Variants in CNTNAP4 observed in about 807,000 individuals in gnomAD.
The protein encoded by CNTNAP4 is contactin associated protein family member 4, also known as contactin-associated protein-like 4.
CNTNAP4 carries 98 observed loss-of-function variants against 148.4 expected under a neutral mutation model. The ratio of observed to expected loss-of-function variants is 0.66; its 90% confidence interval spans 0.56 to 0.78. The LOEUF (loss-of-function observed/expected upper bound fraction) is 0.78. Among genes scored for constraint, CNTNAP4 ranks in the 30% least tolerant of loss-of-function variants. The pLI is 0.00. For missense variants in CNTNAP4, 1,935 were observed against 1,565.6 expected, an observed-to-expected ratio of 1.24 and a Z score of -3.98; for synonymous variants, 730 against 565.1, an observed-to-expected ratio of 1.29 and a Z score of -4.14.
chr16:76,456,957 T>C (rs2080756006), intron 8 of CNTNAP4, among the ~76,000 whole-genome samples: 2 of 152,154 alleles, frequency 1.3e-5, no homozygotes, highest in African/African-American at 2.4e-5. Flanking sequence ...GATTAAATGA[T>C]ACTATGCATA....
chr16:76,387,783 A>G (rs184831820), intron 3 of CNTNAP4, among the ~76,000 whole-genome samples: 11 of 152,326 alleles, frequency 7.2e-5, no homozygotes, highest in Admixed American at 5.9e-4. Flanking sequence ...TTATGTTGTC[A>G]TAAGAAATAA....
At chr16:76,399,688 A>G (rs1209473445) in intron 3 of CNTNAP4, among the ~76,000 whole-genome samples, 2 of 152,196 alleles carry the variant, frequency 1.3e-5, no homozygotes, top group African/African-American at 4.8e-5. Flanking sequence ...GTAACATATC[A>G]TTAAAAACTG....
At chr16:76,368,961 A>G (rs189757477) in intron 3 of CNTNAP4, among the ~76,000 whole-genome samples, 71 of 152,270 alleles carry the variant, frequency 4.7e-4, no homozygotes, top group African/African-American at 1.6e-3. Context: ...CATCATCACA[A>G]AAATTCTCAA....
intron 10 of CNTNAP4, among the ~76,000 whole-genome samples, chr16:76,474,000 G>C (rs1305789743): frequency 2.6e-5 from 4 of 152,050 alleles, no homozygotes; most frequent in South Asian, 2.1e-4. Context: ...TTGGTGCATG[G>C]TGCTCTGCCT....
At chr16:76,361,670 A>T (rs117057464) in intron 3 of CNTNAP4, among the ~76,000 whole-genome samples, 1 of 152,326 alleles carries the variant, frequency 6.6e-6, no homozygotes, top group Admixed American at 6.5e-5. Context: ...TTTTGGATAA[A>T]TACCTGGGAT....
intron 15 of CNTNAP4, among the ~76,000 whole-genome samples, chr16:76,517,604 C>G (rs2083297547): frequency 6.6e-6 from 1 of 152,116 alleles, no homozygotes; most frequent in Non-Finnish European, 1.5e-5. Context: ...TTTAAAAGTA[C>G]AATGTATTAC....
chr16:76,370,328 C>G (rs970306111), intron 3 of CNTNAP4, among the ~76,000 whole-genome samples: 1 of 152,046 alleles, frequency 6.6e-6, no homozygotes, highest in African/African-American at 2.4e-5. Flanking sequence ...AAATTGTCCT[C>G]TGCGCCAGTG....
intron 21 of CNTNAP4, among the ~76,000 whole-genome samples, chr16:76,542,802 G>C (rs1355482924): frequency 6.6e-6 from 1 of 152,146 alleles, no homozygotes; most frequent in Non-Finnish European, 1.5e-5. Flanking sequence ...CTCTACACTA[G>C]TACAGTAGAT....
chr16:76,495,475 C>A (rs1030761769), intron 14 of CNTNAP4, among the ~76,000 whole-genome samples: 4 of 151,906 alleles, frequency 2.6e-5, no homozygotes, highest in Admixed American at 6.6e-5. Context: ...TTTTAACATG[C>A]AATTGTTTTA....
At chr16:76,364,233 C>CAAAA (rs58589609) in intron 3 of CNTNAP4, among the ~76,000 whole-genome samples, 500 of 48,210 alleles carry the variant, frequency 0.01, 79 homozygotes, top group African/African-American at 0.012. Flanking sequence ...GATTCCATCT[C>CAAAA]AAAAAAAAAA....
At chr16:76,387,647 G>T (rs1208912887) in intron 3 of CNTNAP4, among the ~76,000 whole-genome samples, 1 of 152,082 alleles carries the variant, frequency 6.6e-6, no homozygotes, top group African/African-American at 2.4e-5. Flanking sequence ...CAGAATTAAT[G>T]CTCATGAAAT....
intron 21 of CNTNAP4, among the ~76,000 whole-genome samples, chr16:76,547,262 C>T (rs1439540103): frequency 6.6e-6 from 1 of 152,050 alleles, no homozygotes; most frequent in African/African-American, 2.4e-5. Flanking sequence ...ATCACAATTC[C>T]ACCACATGGG....
intron 2 of CNTNAP4, among the ~76,000 whole-genome samples, chr16:76,333,587 C>T (rs972919469): frequency 2.6e-5 from 4 of 152,076 alleles, no homozygotes; most frequent in Non-Finnish European, 4.4e-5. Flanking sequence ...GATCCAATAT[C>T]ATTGCTTCCT....
chr16:76,486,221 T>C (rs2082020296), intron 12 of CNTNAP4, among the ~76,000 whole-genome samples: 1 of 152,204 alleles, frequency 6.6e-6, no homozygotes, highest in Non-Finnish European at 1.5e-5. Context: ...CCTACCACTC[T>C]TTTTGCATTT....
chr16:76,471,544 C>G (rs1408148229), intron 10 of CNTNAP4, among the ~76,000 whole-genome samples: 1 of 152,114 alleles, frequency 6.6e-6, no homozygotes, highest in Non-Finnish European at 1.5e-5. Flanking sequence ...CCCCTACTAT[C>G]CAGCCCTCAG....
intron 10 of CNTNAP4, among the ~76,000 whole-genome samples, chr16:76,472,404 A>T (rs570813988): frequency 1.3e-5 from 2 of 152,078 alleles, no homozygotes; most frequent in African/African-American, 4.8e-5. Flanking sequence ...TAGAAATAAC[A>T]TATGTATCAC....
rs1445094927 is a variant in CNTNAP4 at position 76,351,569 on chromosome 16, C to G, written c.197-3749C>G. Among the ~76,000 whole-genome samples the G allele has an allele frequency of 3.9e-5, 6 of 152,344 alleles. No homozygotes were observed. The East Asian group carries it at 7.7e-4, about 20-fold the overall frequency. ...AGATATTTGGATTCCCTCTGGCCAACTTATCTGGCTGAAATTACTTGGTAT... is the reference window on the plus strand; with the variant it reads ...AGATATTTGGATTCCCTCTGGCCAAGTTATCTGGCTGAAATTACTTGGTAT... On this transcript the variant is annotated intron_variant, in intron 2 of 23. Coordinates refer to ENST00000611870, the MANE Select transcript of CNTNAP4 (RefSeq NM_033401.5).
intron 22 of CNTNAP4, 103 bp from the exon 23 acceptor site, chr16:76,553,733 C>A: frequency 1.4e-6 from 1 of 727,710 alleles, no homozygotes. Context: ...ATCCCACATT[C>A]GCCTCCATAA....
intron 6 of CNTNAP4, among the ~76,000 whole-genome samples, chr16:76,449,219 ATCT>A: frequency 6.6e-6 from 1 of 152,288 alleles, no homozygotes; most frequent in Admixed American, 6.5e-5. Flanking sequence ...TATGCAGGAA[ATCT>A]TCTGCACCAA....
Sources: allele counts gnomAD v4.1 joint callset (sites outside exome capture counted in the v4.1 genomes callset), GRCh38; gene constraint gnomAD v4.1.1; transcripts MANE v1.5; gene names NCBI Gene and HGNC (gene_info 2026-07-23, HGNC 2026-07-21).